The following NCKAP1 variants were observed in gnomAD, a reference collection of about 807,000 sequenced individuals.
The protein encoded by NCKAP1 is NCK associated protein 1, also known as nck-associated protein 1.
NCKAP1 carries 21 observed loss-of-function variants against 151.2 expected under a neutral mutation model. The observed-to-expected ratio is 0.14, with a 90% CI of 0.10 to 0.20. The LOEUF (loss-of-function observed/expected upper bound fraction) is 0.20, where lower values mean the gene tolerates loss of function less well. Among genes scored for constraint, NCKAP1 ranks in the 10% least tolerant of loss-of-function variants. The pLI, the probability that NCKAP1 is intolerant of heterozygous loss-of-function variation, is 1.00. For synonymous variants in NCKAP1, 484 were observed against 451.8 expected (o/e 1.07, Z -0.90); for missense variants, 933 against 1,352.1 (o/e 0.69, Z 4.86).
Position 182,981,213 on chromosome 2 carries a change from C to A in NCKAP1, c.1341+31G>T, listed in dbSNP as rs1318719176. ...ACTATCAAAGGTGGGAAGGAAGGAA[C>A]AAAAGGGAAATAGTATGAGATAGTT... On this transcript the variant is annotated intron_variant, in intron 13 of 30. Coordinates refer to ENST00000361354, the MANE Select transcript of NCKAP1 (RefSeq NM_013436.5). 1.9e-6 allele frequency: 3 copies of A among 1,600,408 alleles called. No individual in the cohort carries two copies. The Admixed American group carries it at 5.1e-5, about 27-fold the overall frequency.
At chr2:183,014,173 A>C (rs1279570298) in intron 2 of NCKAP1, among the ~76,000 whole-genome samples, 1 of 152,196 alleles carries the variant, frequency 6.6e-6, no homozygotes, top group Non-Finnish European at 1.5e-5. Flanking sequence ...CCTCTCTTCC[A>C]GAACAGAACT....
chr2:182,995,986 G>T (rs1698260998), intron 6 of NCKAP1, 148 bp from the exon 7 acceptor site: 5 of 709,484 alleles, frequency 7.0e-6, no homozygotes, highest in Non-Finnish European at 1.1e-5. Flanking sequence ...ATCTGAGTTG[G>T]GTTGTGGCTC....
rs1218162987 is a variant in NCKAP1 at position 182,942,101 on chromosome 2, G to A, written c.2664C>T (p.Asp888=). ...ATCTTTTAAACAGTGCAGCCATCTG[G>A]TCTGGTTTGTCAAAGCTGGTCCTCA... ...TQMRTSFDKP[D]QMAALFKRLS... Residue 888 remains aspartate (D), a synonymous_variant, in exon 24 of 31, where the codon GAC becomes GAT. Coordinates refer to ENST00000361354, the MANE Select transcript of NCKAP1 (RefSeq NM_013436.5). 3.1e-6 allele frequency: 5 copies of A among 1,613,220 alleles called. No homozygotes were observed. The South Asian group carries it at 4.4e-5, about 14-fold the overall frequency.
chr2:182,952,262 TGCTA>T (rs1173323979), intron 23 of NCKAP1, 139 bp downstream of exon 23: 5 of 544,560 alleles, frequency 9.2e-6, no homozygotes, highest in East Asian at 6.9e-5. Flanking sequence ...AAAAAGGCCT[TGCTA>T]GCTATTTAAT....
intron 2 of NCKAP1, among the ~76,000 whole-genome samples, chr2:183,012,921 C>T (rs1011177065): frequency 2.6e-5 from 4 of 151,816 alleles, no homozygotes; most frequent in Non-Finnish European, 5.9e-5. Flanking sequence ...TGTGCCCAGG[C>T]CCCCTACTTT....
chr2:182,928,006 G>T, intron 29 of NCKAP1, 111 bp downstream of exon 29: 1 of 669,008 alleles, frequency 1.5e-6, no homozygotes, highest in Non-Finnish European at 2.4e-6. Context: ...TGCCATTAGA[G>T]GACACTAAAT....
intron 2 of NCKAP1, among the ~76,000 whole-genome samples, chr2:183,010,448 C>T (rs1240033829): frequency 6.6e-6 from 1 of 152,180 alleles, no homozygotes; most frequent in Non-Finnish European, 1.5e-5. Flanking sequence ...ACCAGTGAGA[C>T]CAGCAGAGAA....
rs1351219843 is a variant in NCKAP1 at position 182,917,248 on chromosome 2, A to T, written c.*8454T>A. On this transcript the variant is annotated 3_prime_UTR_variant, in exon 31 of 31. Coordinates refer to ENST00000361354, the MANE Select transcript of NCKAP1 (RefSeq NM_013436.5). ...GACAGAGCTGGGATTCAAACCCCAGATTTGTTTGAGGCTGTGGCATCATAC... is the reference window on the plus strand; with the variant it reads ...GACAGAGCTGGGATTCAAACCCCAGTTTTGTTTGAGGCTGTGGCATCATAC... 1 of 152,224 alleles carries T rather than the reference A, an allele frequency of 6.6e-6. No individual in the cohort carries two copies. The highest frequency in any genetic ancestry group is 6.5e-5 in the Admixed American group (1 of 15,280). 9.4% of individuals were successfully genotyped at this position (152,224 alleles called of 1,614,324 possible).
chr2:183,013,256 T>C (rs1698622838), intron 2 of NCKAP1, among the ~76,000 whole-genome samples: 1 of 152,128 alleles, frequency 6.6e-6, no homozygotes, highest in African/African-American at 2.4e-5. Flanking sequence ...GGCTATTTGA[T>C]ATCTCCACTC....
chr2:182,928,700 G>T, intron 28 of NCKAP1, 83 bp downstream of exon 28: 1 of 908,622 alleles, frequency 1.1e-6, no homozygotes, highest in Non-Finnish European at 1.7e-6. Context: ...GCCAGTTAGT[G>T]GCAGAACTTA....
rs1696415770 is a variant in NCKAP1, at chr2:182,912,839, A to C, written c.*12863T>G. The C allele has an allele frequency of 6.7e-6, 1 of 149,910 alleles. No individual in the cohort carries two copies. Among genetic ancestry groups the C allele is most frequent in the African/African-American group, 2.5e-5 (1 of 40,126 alleles). 9.3% of individuals were successfully genotyped at this position (149,910 alleles called of 1,614,324 possible). A position where few individuals can be genotyped will look rare whatever the true frequency, so the allele number is the denominator to read the frequency against. On this transcript the variant is annotated 3_prime_UTR_variant, in exon 31 of 31. Transcript: ENST00000361354. ...AGACAGATCTCAAAACCAAAGAAAG[A>C]TAGAGGAAGAAAGGAAGGAAGGAAG... is the stretch of plus-strand genomic sequence containing the variant.
At chr2:182,970,249 T>C (rs2105841691) in intron 15 of NCKAP1, among the ~76,000 whole-genome samples, 1 of 152,276 alleles carries the variant, frequency 6.6e-6, no homozygotes, top group South Asian at 2.1e-4. Context: ...TACTTTCAAA[T>C]ACTCATTCTA....
In NCKAP1 at chr2:182,964,794, G is replaced by A; in HGVS notation, c.1643C>T (p.Ala548Val). 4 of 1,597,496 alleles carry A rather than the reference G, an allele frequency of 2.5e-6. No individual in the cohort carries two copies. Among genetic ancestry groups the A allele is most frequent in the Admixed American group, 3.6e-5 (2 of 56,158 alleles). Residue 548 changes from alanine to valine, a missense_variant, in exon 17 of 31, where the codon GCT (alanine) becomes GTT (valine). Coordinates refer to ENST00000361354, the MANE Select transcript of NCKAP1 (RefSeq NM_013436.5). The stretch of plus-strand genomic sequence containing the variant: ...ACACTGTTGAAACATCTTCTCAAAA[G>A]CACGACTATAAAAACTATATAAACA... ...DLSIFCFYSR[A>V]FEKMFQQCLE...
In NCKAP1 at chr2:182,995,681, A is replaced by T. The variant is rs773434555; in HGVS notation, c.741+20T>A. On this transcript the variant is annotated intron_variant, in intron 7 of 30. Transcript: ENST00000361354. Reference sequence around the variant, plus strand: ...AAAAGTCACTTTATTTTCATTCAAAAGAGAAAAATAGAACCATACAGTGTC... The same window carrying T: ...AAAAGTCACTTTATTTTCATTCAAATGAGAAAAATAGAACCATACAGTGTC... The T allele has an allele frequency of 3.1e-6, 5 of 1,592,998 alleles. No individual in the cohort carries two copies. The East Asian group carries it at 1.1e-4, about 36-fold the overall frequency.
In NCKAP1 at chr2:182,912,872, G is replaced by GGAAGGAAGGAAGGAAGGAAA. The variant is rs1175109573; in HGVS notation, c.*12829_*12830insTTTCCTTCCTTCCTTCCTTC. Reference sequence around the variant, plus strand: ...AGAAAGGAAGGAAGGAAGGAAGGAAGGAAGGAAGGAAGGAAAGAATTCAGC... The same window carrying GGAAGGAAGGAAGGAAGGAAA: ...AGAAAGGAAGGAAGGAAGGAAGGAAGGAAGGAAGGAAGGAAGGAAAGAAGGAAGGAAGGAAAGAATTCAGC... On this transcript the variant is annotated 3_prime_UTR_variant, in exon 31 of 31. Coordinates refer to ENST00000361354, the MANE Select transcript of NCKAP1 (RefSeq NM_013436.5). 4 of 152,076 alleles carry GGAAGGAAGGAAGGAAGGAAA rather than the reference G, an allele frequency of 2.6e-5. No homozygotes were observed. Among genetic ancestry groups the GGAAGGAAGGAAGGAAGGAAA allele is most frequent in the African/African-American group, 9.7e-5 (4 of 41,366 alleles). 9.4% of individuals were successfully genotyped at this position (152,076 alleles called of 1,614,324 possible).
At position 182,909,648 on chromosome 2, in the gene NCKAP1, ATTTG is replaced by A. The variant is rs889298105; in HGVS notation, c.*16050_*16053del. On this transcript the variant is annotated 3_prime_UTR_variant, in exon 31 of 31. Transcript: ENST00000361354. Reference sequence around the variant, plus strand: ...GCCTTTTCTTGTATGTTGTTGTTTTATTTGTTTAAGTAAACAATCACTTTTAAAG... The same window carrying A: ...GCCTTTTCTTGTATGTTGTTGTTTTATTTAAGTAAACAATCACTTTTAAAG... The A allele has an allele frequency of 2.0e-5, 3 of 152,094 alleles. No homozygotes were observed. The highest frequency in any genetic ancestry group is 6.6e-5 in the Admixed American group (1 of 15,264). 9.4% of individuals were successfully genotyped at this position (152,094 alleles called of 1,614,324 possible).
At position 182,989,016 on chromosome 2, in the gene NCKAP1, T is replaced by C; in HGVS notation, c.947+14A>G. 6.3e-7 allele frequency: 1 copy of C among 1,597,444 alleles called. No individual in the cohort carries two copies. Among genetic ancestry groups the C allele is most frequent in the Non-Finnish European group, 8.5e-7 (1 of 1,175,068 alleles). On this transcript the variant is annotated intron_variant, in intron 9 of 30. Coordinates refer to ENST00000361354, the MANE Select transcript of NCKAP1 (RefSeq NM_013436.5). Reference sequence around the variant, plus strand: ...CCTTCTCCAAAAAAGACAAAATAAATGAAAATGCCATACCCTCGTATGTTT... The same window carrying C: ...CCTTCTCCAAAAAAGACAAAATAAACGAAAATGCCATACCCTCGTATGTTT...
At chr2:182,996,357 TTTA>T (rs1208842967) in intron 6 of NCKAP1, among the ~76,000 whole-genome samples, 2 of 152,264 alleles carry the variant, frequency 1.3e-5, no homozygotes, top group African/African-American at 4.8e-5. Flanking sequence ...TGATTACAGC[TTTA>T]TTATCAAGGT....
In NCKAP1 at chr2:182,911,635, C is replaced by A. The variant is rs1696396805; in HGVS notation, c.*14067G>T. ...AATGATTTGAAACTAGCAAAGTTAT[C>A]AGTTAGGTTTGCTATATCCTTTTTT... On this transcript the variant is annotated 3_prime_UTR_variant, in exon 31 of 31. Transcript: ENST00000361354. 6.6e-6 allele frequency: 1 copy of A among 152,026 alleles called. No homozygotes were observed. The highest frequency in any genetic ancestry group is 6.6e-5 in the Admixed American group (1 of 15,260). 9.4% of individuals were successfully genotyped at this position (152,026 alleles called of 1,614,324 possible).
Sources: gnomAD v4.1 joint callset for allele counts (sites outside exome capture counted in the v4.1 genomes callset) on GRCh38, gnomAD v4.1.1 for gene constraint, MANE v1.5 for transcripts, NCBI Gene and HGNC (gene_info 2026-07-23, HGNC 2026-07-21) for gene names.